Variants in TBC1D2B observed in about 807,000 individuals in gnomAD.
TBC1D2B encodes TBC1 domain family member 2B.
TBC1D2B carries 64 observed loss-of-function variants against 100.8 expected under a neutral mutation model. The ratio of observed to expected loss-of-function variants is 0.64; its 90% CI spans 0.52 to 0.78. TBC1D2B has a LOEUF of 0.78. TBC1D2B is among the 30% of genes least tolerant of loss of function. The probability of loss-of-function intolerance (pLI) is 0.00; values close to 1 mark genes in which losing one functional copy is unlikely to be tolerated. For synonymous variants in TBC1D2B, 480 were observed against 479.7 expected, an observed-to-expected ratio of 1.00 and a Z score of -0.01; for missense variants, 1,052 against 1,218.4, an observed-to-expected ratio of 0.86 and a Z score of 2.03.
Position 78,077,688 on chromosome 15 carries a change from G to A in TBC1D2B, c.-36C>T, listed in dbSNP as rs1376210381. The A allele has an allele frequency of 1.0e-6, 1 of 984,804 alleles. No individual in the cohort carries two copies. The highest frequency in any genetic ancestry group is 1.2e-6 in the Non-Finnish European group (1 of 830,354). The allele number at this position is 984,804 out of a possible 1,614,324, so 61.0% of individuals were successfully genotyped here. A position where few individuals can be genotyped will look rare whatever the true frequency, so the allele number is the denominator to read the frequency against. ...CGCCAACCGTAGGCGCCCGCGCCCT[G>A]CGCCTCCGCGCCGCGGCCGCTGCGC... On this transcript the variant is annotated 5_prime_UTR_variant, in exon 1 of 13. Coordinates refer to ENST00000300584, the MANE Select transcript of TBC1D2B (RefSeq NM_144572.2).
intron 1 of TBC1D2B, among the ~76,000 whole-genome samples, chr15:78,056,684 CTCTTTTTTTTTTTTT>C (rs2073428924): frequency 8.2e-6 from 1 of 121,566 alleles, no homozygotes; most frequent in Admixed American, 1.0e-4. Flanking sequence ...CCCAGTCCTC[CTCTTTTTTTTTTTTT>C]TTTTTTTTTT....
chr15:78,034,953 T>TCA (rs1218613696), intron 3 of TBC1D2B, among the ~76,000 whole-genome samples: 2 of 152,212 alleles, frequency 1.3e-5, no homozygotes, highest in Middle Eastern at 6.3e-3. Context: ...CCTGCCTGTG[T>TCA]ACTCCATGAG....
intron 3 of TBC1D2B, among the ~76,000 whole-genome samples, chr15:78,031,159 T>G (rs1359635625): frequency 6.6e-6 from 1 of 152,230 alleles, no homozygotes; most frequent in Non-Finnish European, 1.5e-5. Context: ...TGGATACATA[T>G]ATATGTAGCA....
At chr15:78,075,375 T>C (rs1014992592) in intron 1 of TBC1D2B, among the ~76,000 whole-genome samples, 20 of 152,162 alleles carry the variant, frequency 1.3e-4, no homozygotes, top group African/African-American at 4.8e-4. Context: ...ATTTTTTGTA[T>C]ATTTAATAGA....
At chr15:78,056,707 T>G (rs1385267462) in intron 1 of TBC1D2B, among the ~76,000 whole-genome samples, 1 of 68,284 alleles carries the variant, frequency 1.5e-5, no homozygotes, top group Non-Finnish European at 3.4e-5. Flanking sequence ...TTTTTTTTTT[T>G]TTTTTTTTTT....
At chr15:78,024,637 G>A (rs1309090267) in intron 5 of TBC1D2B, 98 bp from the exon 6 acceptor site, 7 of 1,177,914 alleles carry the variant, frequency 5.9e-6, no homozygotes, top group Non-Finnish European at 8.1e-6. Context: ...GACAGAGTTT[G>A]AGGAAATGTA....
At chr15:78,055,901 C>A (rs1048442149) in intron 1 of TBC1D2B, among the ~76,000 whole-genome samples, 1 of 152,090 alleles carries the variant, frequency 6.6e-6, no homozygotes, top group African/African-American at 2.4e-5. Context: ...GCAGAGCAGG[C>A]GACGCGGGGC....
intron 8 of TBC1D2B, among the ~76,000 whole-genome samples, chr15:78,014,322 A>T (rs2072312949): frequency 6.6e-6 from 1 of 152,246 alleles, no homozygotes; most frequent in Non-Finnish European, 1.5e-5. Flanking sequence ...ACTACTACAA[A>T]GGCCTTTCAC....
chr15:78,060,568 G>C (rs2073522444), intron 1 of TBC1D2B, among the ~76,000 whole-genome samples: 3 of 151,896 alleles, frequency 2.0e-5, no homozygotes, highest in Admixed American at 1.3e-4. Context: ...CTTGAGCCCA[G>C]GAGACAGAGT....
In TBC1D2B at chr15:78,025,015, T is replaced by A. The variant is rs117497123; in HGVS notation, c.1086+244A>T. 0.021 allele frequency among the ~76,000 whole-genome samples: 3,232 copies of A among 152,144 alleles called. 48 individuals carry two copies. Among genetic ancestry groups the A allele is most frequent in the Middle Eastern group, 0.054 (16 of 294 alleles). On this transcript the variant is annotated intron_variant, in intron 5 of 12. Transcript: ENST00000300584. Reference sequence around the variant, plus strand: ...CTGGGCTGTGGTGCAGACAGCAACCTCCTCTGTCCTCCTTTGAGAGATCTT... The same window carrying A: ...CTGGGCTGTGGTGCAGACAGCAACCACCTCTGTCCTCCTTTGAGAGATCTT...
chr15:78,009,142 A>G (rs1567013958), intron 9 of TBC1D2B, 28 bp from the exon 10 acceptor site: 13 of 1,512,014 alleles, frequency 8.6e-6, no homozygotes, highest in Non-Finnish European at 1.2e-5. Context: ...ACAAGATGAG[A>G]GCCCAGGCAC....
Position 78,077,393 on chromosome 15 carries a change from G to A in TBC1D2B, c.260C>T (p.Ala87Val). 1 of 1,545,158 alleles carries A rather than the reference G, an allele frequency of 6.5e-7. No homozygotes were observed. Among genetic ancestry groups the A allele is most frequent in the East Asian group, 2.5e-5 (1 of 40,314 alleles). ...LPLGHLDIAD[A>V]CFSYQGPDEA... Reference sequence around the variant, plus strand: ...GTCGGGGCCCTGGTAGCTGAAGCAGGCGTCCGCGATGTCCAAGTGGCCGAG... The same window carrying A: ...GTCGGGGCCCTGGTAGCTGAAGCAGACGTCCGCGATGTCCAAGTGGCCGAG... The change falls in exon 1 of 13, where the codon GCC (alanine) becomes GTC (valine). Residue 87 changes from alanine to valine, a missense_variant. Around this residue, in one of 4 missense-constraint regions of TBC1D2B, gnomAD observed 627 missense variants for 646.1 expected, o/e 0.97. Coordinates refer to ENST00000300584, the MANE Select transcript of TBC1D2B (RefSeq NM_144572.2).
chr15:78,030,864 T>A (rs2141717926), intron 3 of TBC1D2B, among the ~76,000 whole-genome samples: 1 of 152,322 alleles, frequency 6.6e-6, no homozygotes, highest in East Asian at 1.9e-4. Context: ...TGTGGCATAT[T>A]CATATAGTCA....
At chr15:78,034,620 C>T in intron 3 of TBC1D2B, 1 of 984,726 alleles carries the variant, frequency 1.0e-6, no homozygotes, top group Non-Finnish European at 1.2e-6. Flanking sequence ...CACACACCCT[C>T]CTTCCTCCCA....
chr15:78,022,630 G>C (rs1228628940), intron 6 of TBC1D2B, among the ~76,000 whole-genome samples: 1 of 151,932 alleles, frequency 6.6e-6, no homozygotes, highest in East Asian at 1.9e-4. Flanking sequence ...CTGCAGCCTT[G>C]CTCTGCTTTC....
intron 4 of TBC1D2B, among the ~76,000 whole-genome samples, chr15:78,027,010 G>C (rs1194424253): frequency 6.6e-6 from 1 of 151,688 alleles, no homozygotes; most frequent in Non-Finnish European, 1.5e-5. Flanking sequence ...CTTAGGCCTA[G>C]AAGTTCAAGG....
chr15:78,052,915 T>C (rs1404669723), intron 2 of TBC1D2B, among the ~76,000 whole-genome samples: 1 of 152,124 alleles, frequency 6.6e-6, no homozygotes, highest in Admixed American at 6.5e-5. Context: ...AATAAAGGCA[T>C]GATCTCAGAA....
chr15:78,036,253 G>A (rs1199125586), intron 3 of TBC1D2B, among the ~76,000 whole-genome samples: 1 of 152,096 alleles, frequency 6.6e-6, no homozygotes, highest in Non-Finnish European at 1.5e-5. Context: ...CTTTTTATAC[G>A]CATGCACGCT....
At chr15:78,076,838 G>A (rs1029917395) in intron 1 of TBC1D2B, among the ~76,000 whole-genome samples, 1 of 152,232 alleles carries the variant, frequency 6.6e-6, no homozygotes, top group Non-Finnish European at 1.5e-5. Flanking sequence ...CACCCCATGA[G>A]GTAGATACTA....
Sources: allele counts gnomAD v4.1 joint callset (sites outside exome capture counted in the v4.1 genomes callset), GRCh38; gene constraint gnomAD v4.1.1; regional missense constraint gnomAD v4.1.1; transcripts MANE v1.5; gene names NCBI Gene and HGNC (gene_info 2026-07-23, HGNC 2026-07-21).